The following ENOX1 variants were observed in gnomAD, a reference collection of about 807,000 sequenced individuals.
ENOX1 encodes candidate growth-related and time keeping constitutive hydroquinone (NADH) oxidase.
Under a neutral mutation model 82.5 loss-of-function variants are expected in ENOX1, and 42 were observed. The ratio of observed to expected loss-of-function variants is 0.51; its 90% CI spans 0.40 to 0.66. ENOX1 has a LOEUF of 0.66. ENOX1 is among the 30% of genes least tolerant of loss of function. The probability of loss-of-function intolerance (pLI) is 0.00; values close to 1 mark genes in which losing one functional copy is unlikely to be tolerated. For synonymous variants in ENOX1, 271 were observed against 282.2 expected (o/e 0.96, Z 0.40); for missense variants, 608 against 811.6 (o/e 0.75, Z 3.05).
At chr13:43,719,235 T>C (rs1477244930) in intron 1 of ENOX1, among the ~76,000 whole-genome samples, 1 of 151,746 alleles carries the variant, frequency 6.6e-6, no homozygotes, top group African/African-American at 2.4e-5. Flanking sequence ...CAGGTGTCCT[T>C]CAGCAGTGTT....
chr13:43,745,027 A>G (rs1259244621), intron 1 of ENOX1, among the ~76,000 whole-genome samples: 3 of 152,240 alleles, frequency 2.0e-5, no homozygotes, highest in Non-Finnish European at 4.4e-5. Flanking sequence ...ATGATCATTT[A>G]TTTATTGAAC....
chr13:43,509,245 T>G (rs1041537251), intron 2 of ENOX1, among the ~76,000 whole-genome samples: 1 of 152,038 alleles, frequency 6.6e-6, no homozygotes, highest in Non-Finnish European at 1.5e-5. Context: ...CCTGTCCTAA[T>G]GAGTCTCCCC....
chr13:43,453,516 C>T (rs116417656), intron 3 of ENOX1, among the ~76,000 whole-genome samples: 216 of 152,236 alleles, frequency 1.4e-3, no homozygotes, highest in African/African-American at 4.8e-3. Flanking sequence ...TTAATATCTG[C>T]GGCAATCCCT....
chr13:43,449,221 G>A (rs1384751888), intron 3 of ENOX1, among the ~76,000 whole-genome samples: 8 of 152,134 alleles, frequency 5.3e-5, no homozygotes, highest in Non-Finnish European at 8.8e-5. Flanking sequence ...CTAAGCAGAC[G>A]CAAACACTGT....
In ENOX1 at chr13:43,716,116, T is replaced by C. The variant is rs373101970; in HGVS notation, c.-284-48572A>G. On this transcript the variant is annotated intron_variant, in intron 1 of 16. Coordinates refer to ENST00000690772, the MANE Select transcript of ENOX1 (RefSeq NM_001347969.2). The stretch of plus-strand genomic sequence containing the variant: ...GTTGCTGGTGAGGAGCTGCGTTCCT[T>C]TGAAGGAGGAGAGGCGCTCTGCTTT... Among the ~76,000 whole-genome samples the C allele has an allele frequency of 7.9e-4, 121 of 152,322 alleles. 3 individuals carry two copies. The highest frequency in any genetic ancestry group is 2.8e-3 in the African/African-American group (118 of 41,574).
rs60690794 is a variant in ENOX1 at position 43,726,753 on chromosome 13, T to TGTGTGA, written c.-284-59210_-284-59209insTCACAC. ...GTGTGTGTGTGTGTGTGTGTGTGTG[T>TGTGTGA]GAGAGAGAGACAGGGTCTCACTGTG... On this transcript the variant is annotated intron_variant, in intron 1 of 16. Transcript: ENST00000690772. Among the ~76,000 whole-genome samples, 792 of 141,108 alleles carry TGTGTGA rather than the reference T, an allele frequency of 5.6e-3. 4 individuals are homozygous for TGTGTGA. Among genetic ancestry groups the TGTGTGA allele is most frequent in the Middle Eastern group, 0.011 (3 of 278 alleles). The allele number at this position is 141,108 out of a possible 152,430, so 92.6% of individuals were successfully genotyped here.
At chr13:43,510,901 C>T (rs979590871) in intron 2 of ENOX1, among the ~76,000 whole-genome samples, 2 of 152,038 alleles carry the variant, frequency 1.3e-5, no homozygotes, top group Non-Finnish European at 2.9e-5. Flanking sequence ...AGTACGGCTG[C>T]TAGTGTTGTT....
chr13:43,586,908 CAAA>C (rs34012725), intron 2 of ENOX1, among the ~76,000 whole-genome samples: 3 of 145,966 alleles, frequency 2.1e-5, no homozygotes, highest in Non-Finnish European at 3.0e-5. Context: ...ACTAAAAATA[CAAA>C]AAAAAAAAAA....
At chr13:43,373,167 T>C (rs1186091574) in intron 5 of ENOX1, among the ~76,000 whole-genome samples, 1 of 151,636 alleles carries the variant, frequency 6.6e-6, no homozygotes, top group African/African-American at 2.4e-5. Context: ...ATGTCCTTCC[T>C]TTAAAAAAAA....
chr13:43,513,890 A>G (rs1246196002), intron 2 of ENOX1, among the ~76,000 whole-genome samples: 2 of 152,200 alleles, frequency 1.3e-5, no homozygotes, highest in African/African-American at 4.8e-5. Flanking sequence ...TCTCAAAACT[A>G]TGATTCTGCA....
At chr13:43,763,330 A>G in intron 1 of ENOX1, among the ~76,000 whole-genome samples, 1 of 152,270 alleles carries the variant, frequency 6.6e-6, no homozygotes, top group East Asian at 1.9e-4. Flanking sequence ...CTGTGTTCGT[A>G]CCGCATTTTC....
At chr13:43,424,644 C>A (rs1422445024) in intron 3 of ENOX1, among the ~76,000 whole-genome samples, 2 of 152,170 alleles carry the variant, frequency 1.3e-5, no homozygotes, top group Non-Finnish European at 2.9e-5. Context: ...GGACAGGGAG[C>A]GTTAGCAGAA....
At chr13:43,275,937 C>T (rs1184644049) in intron 12 of ENOX1, among the ~76,000 whole-genome samples, 1 of 152,138 alleles carries the variant, frequency 6.6e-6, no homozygotes, top group African/African-American at 2.4e-5. Flanking sequence ...GGAGAATGAG[C>T]TCAGGGGATC....
At chr13:43,411,774 T>C (rs1440970515) in intron 5 of ENOX1, 142 bp downstream of exon 5, 3 of 1,049,712 alleles carry the variant, frequency 2.9e-6, no homozygotes, top group Non-Finnish European at 4.1e-6. Flanking sequence ...GAAAAGAATC[T>C]CAAGTACAAC....
chr13:43,438,532 C>A lies in ENOX1; in HGVS notation c.-74-25544G>T, dbSNP rs138965881. On this transcript the variant is annotated intron_variant, in intron 3 of 16. Transcript: ENST00000690772. ...TAGGGATTTCCATGGCACAAGAACACTTAAAGGATTAGTTTAGTTCAGGAG... is the reference window on the plus strand; with the variant it reads ...TAGGGATTTCCATGGCACAAGAACAATTAAAGGATTAGTTTAGTTCAGGAG... Among the ~76,000 whole-genome samples the A allele has an allele frequency of 2.0e-3, 308 of 152,330 alleles. 1 individual carries two copies. The highest frequency in any genetic ancestry group is 3.7e-3 in the Non-Finnish European group (250 of 68,026).
At chr13:43,215,772 A>T (rs1307521412) in intron 16 of ENOX1, among the ~76,000 whole-genome samples, 1 of 152,104 alleles carries the variant, frequency 6.6e-6, no homozygotes, top group Non-Finnish European at 1.5e-5. Flanking sequence ...GGCACTTGTT[A>T]AAAAAATCAG....
At chr13:43,599,072 T>A (rs991905637) in intron 2 of ENOX1, among the ~76,000 whole-genome samples, 3 of 152,070 alleles carry the variant, frequency 2.0e-5, no homozygotes, top group Non-Finnish European at 4.4e-5. Flanking sequence ...GGAGAGTCTG[T>A]GATTAAGATA....
chr13:43,655,798 C>A (rs2153780754), intron 2 of ENOX1, among the ~76,000 whole-genome samples: 1 of 152,300 alleles, frequency 6.6e-6, no homozygotes, highest in African/African-American at 2.4e-5. Flanking sequence ...TCTTTGCTCT[C>A]ATTACCTCTC....
At position 43,213,928 on chromosome 13, in the gene ENOX1, C is replaced by G; in HGVS notation, c.*62G>C. On this transcript the variant is annotated 3_prime_UTR_variant, in exon 17 of 17. Transcript: ENST00000690772. ...ACCAACCCCACACCTCCTGCTTCCC[C>G]GTCGCACCGCCCTGGCCAGGTTCAC... 1 of 1,563,040 alleles carries G rather than the reference C, an allele frequency of 6.4e-7. No individual in the cohort carries two copies. The highest frequency in any genetic ancestry group is 8.7e-7 in the Non-Finnish European group (1 of 1,151,524).
Sources: gnomAD v4.1 joint callset for allele counts (sites outside exome capture counted in the v4.1 genomes callset) on GRCh38, gnomAD v4.1.1 for gene constraint, MANE v1.5 for transcripts, NCBI Gene and HGNC (gene_info 2026-07-23, HGNC 2026-07-21) for gene names.